VCL: variants seen among roughly 807,000 people sequenced by gnomAD.
VCL encodes the protein epididymis luminal protein 114.
Under a neutral mutation model 125.7 loss-of-function variants are expected in VCL, and 47 were observed. That is an observed-to-expected ratio of 0.37 (90% CI 0.30 to 0.48). The LOEUF (loss-of-function observed/expected upper bound fraction) is 0.48, where lower values mean the gene tolerates loss of function less well. Ranked by LOEUF, VCL falls within the 20% of genes least tolerant of loss-of-function variation. The probability of loss-of-function intolerance (pLI) is 0.99; values close to 1 mark genes in which losing one functional copy is unlikely to be tolerated. For synonymous variants in VCL, 458 were observed against 514.6 expected (o/e 0.89, Z 1.49); for missense variants, 1,069 against 1,455.5 (o/e 0.73, Z 4.32).
intron 12 of VCL, among the ~76,000 whole-genome samples, chr10:74,096,966 G>A (rs1839978512): frequency 6.6e-6 from 1 of 152,226 alleles, no homozygotes; most frequent in Admixed American, 6.5e-5. Flanking sequence ...TGATTGAGTG[G>A]AACAGTCTCT....
chr10:74,075,220 C>T (rs1839562823), intron 6 of VCL: 1 of 329,866 alleles, frequency 3.0e-6, no homozygotes. Flanking sequence ...GATGGGAGCT[C>T]TGCCTTGTAT....
intron 16 of VCL, among the ~76,000 whole-genome samples, chr10:74,105,837 G>A (rs1180577442): frequency 2.1e-5 from 3 of 144,008 alleles, no homozygotes; most frequent in Non-Finnish European, 4.6e-5. Context: ...TTACAGGTGT[G>A]AGCCACCGTG....
In VCL at chr10:74,101,984, G is replaced by T. The variant is rs577843264; in HGVS notation, c.2022+887G>T. Among the ~76,000 whole-genome samples the T allele has an allele frequency of 2.0e-5, 3 of 149,306 alleles. No homozygotes were observed. In the South Asian group the frequency reaches 6.3e-4, roughly 31 times the overall value. ...GGGTTCAAGTGGTTCTCCTGACTCT[G>T]CCTCCTGAGTAGCTGGGATTACAGG... On this transcript the variant is annotated intron_variant, in intron 14 of 21. Transcript: ENST00000211998.
chr10:74,007,325 TGC>T (rs1204293422), intron 1 of VCL, among the ~76,000 whole-genome samples: 1 of 152,164 alleles, frequency 6.6e-6, no homozygotes, highest in Non-Finnish European at 1.5e-5. Context: ...AGTCTTTCAC[TGC>T]ACCCTTTGAA....
Position 73,998,289 on chromosome 10 carries a change from G to T in VCL, c.82G>T (p.Glu28Ter). 1.2e-6 allele frequency: 2 copies of T among 1,604,762 alleles called. No individual in the cohort carries two copies. Among genetic ancestry groups the T allele is most frequent in the East Asian group, 4.5e-5 (2 of 44,202 alleles). The change falls in exon 1 of 22, where the codon GAG becomes TAG. Residue 28 changes from glutamate to a stop codon, truncating the protein, a stop_gained. Coordinates refer to ENST00000211998, the MANE Select transcript of VCL (RefSeq NM_014000.3). LOFTEE classifies it high-confidence loss of function. ...QQISHLVIMHEEGEVDGKAIP... is the reference protein window; with the variant it reads ...QQISHLVIMH ...GATCTCCCACCTGGTGATAATGCAC[G>T]AGGAGGGCGAGGTGGACGGCAAAGC...
At position 74,118,584 on chromosome 10, in the gene VCL, C is replaced by A; in HGVS notation, c.*415C>A. ...AGAATCCCAAGACCCAGGGCCCAGG[C>A]AAATCAGTTACTAAGAAGAAAATTG... On this transcript the variant is annotated 3_prime_UTR_variant, in exon 22 of 22. Transcript: ENST00000211998. 1 of 263,654 alleles carries A rather than the reference C, an allele frequency of 3.8e-6. No individual in the cohort carries two copies. Among genetic ancestry groups the A allele is most frequent in the South Asian group, 4.4e-5 (1 of 22,626 alleles). 16.3% of individuals were successfully genotyped at this position (263,654 alleles called of 1,614,324 possible). A position where few individuals can be genotyped will look rare whatever the true frequency, so the allele number is the denominator to read the frequency against.
chr10:74,053,026 C>A (rs1432463115), intron 2 of VCL, among the ~76,000 whole-genome samples: 1 of 150,652 alleles, frequency 6.6e-6, no homozygotes, highest in Non-Finnish European at 1.5e-5. Flanking sequence ...TCATGAGGGA[C>A]CTTTATCTGT....
intron 15 of VCL, among the ~76,000 whole-genome samples, chr10:74,104,254 C>T (rs1052696450): frequency 2.0e-5 from 3 of 152,128 alleles, no homozygotes; most frequent in Non-Finnish European, 4.4e-5. Context: ...GGCTGGGAGG[C>T]GGTGTTTGTG....
intron 1 of VCL, among the ~76,000 whole-genome samples, chr10:74,033,609 T>C (rs774421235): frequency 1.3e-5 from 2 of 152,242 alleles, no homozygotes; most frequent in African/African-American, 2.4e-5. Flanking sequence ...CAGCTTGTTC[T>C]TCCACCAGCT....
chr10:74,083,546 T>C (rs1564526378), intron 8 of VCL, 33 bp downstream of exon 8: 1 of 1,612,014 alleles, frequency 6.2e-7, no homozygotes, highest in Non-Finnish European at 8.5e-7. Context: ...AGAGCAGTAG[T>C]GGGTAACTCA....
At chr10:74,018,828 T>C (rs1176053619) in intron 1 of VCL, among the ~76,000 whole-genome samples, 4 of 152,216 alleles carry the variant, frequency 2.6e-5, no homozygotes, top group Non-Finnish European at 5.9e-5. Context: ...AGGAAACCGA[T>C]GCACTTAAGA....
At chr10:74,093,081 G>A (rs1489411063) in intron 10 of VCL, among the ~76,000 whole-genome samples, 3 of 152,148 alleles carry the variant, frequency 2.0e-5, no homozygotes, top group Non-Finnish European at 4.4e-5. Context: ...CACATCACCC[G>A]AGGTCAGGAG....
At chr10:74,017,327 G>A (rs1021991164) in intron 1 of VCL, among the ~76,000 whole-genome samples, 2 of 152,008 alleles carry the variant, frequency 1.3e-5, no homozygotes, top group Non-Finnish European at 2.9e-5. Context: ...GATTACAGGC[G>A]TGAGCCACCG....
At chr10:74,043,214 A>C in intron 2 of VCL, 61 bp downstream of exon 2, 1 of 1,474,444 alleles carries the variant, frequency 6.8e-7, no homozygotes, top group Non-Finnish European at 9.4e-7. Flanking sequence ...AGGAAGAAAA[A>C]GTAGCTGATT....
chr10:74,009,859 C>T lies in VCL; in HGVS notation c.168+11484C>T, dbSNP rs1002355488. On this transcript the variant is annotated intron_variant, in intron 1 of 21. Coordinates refer to ENST00000211998, the MANE Select transcript of VCL (RefSeq NM_014000.3). ...CCTGACCTCAAATGAACCACCCCCT[C>T]GGCCTCCCAAAGTGTTGGGATTACA... is the stretch of plus-strand genomic sequence containing the variant. Among the ~76,000 whole-genome samples, 3 of 152,046 alleles carry T rather than the reference C, an allele frequency of 2.0e-5. No homozygotes were observed. In the East Asian group the frequency reaches 5.8e-4, roughly 29 times the overall value.
chr10:74,074,625 A>G (rs1218629779), intron 5 of VCL, 118 bp from the exon 6 acceptor site: 11 of 1,109,200 alleles, frequency 9.9e-6, no homozygotes, highest in Admixed American at 2.4e-5. Flanking sequence ...TTTGTTTTGT[A>G]TACTCATTTT....
Position 73,998,120 on chromosome 10 carries a change from G to A in VCL, c.-88G>A, listed in dbSNP as rs1840148969. 8 of 1,553,224 alleles carry A rather than the reference G, an allele frequency of 5.2e-6. No individual in the cohort carries two copies. Among genetic ancestry groups the A allele is most frequent in the Non-Finnish European group, 7.0e-6 (8 of 1,150,258 alleles). The stretch of plus-strand genomic sequence containing the variant: ...CGAGGGAAGCCCCGACTCCGTAGTC[G>A]CTGCACAGTCTGTCTCTTCGCCGGT... On this transcript the variant is annotated 5_prime_UTR_variant, in exon 1 of 22. Coordinates refer to ENST00000211998, the MANE Select transcript of VCL (RefSeq NM_014000.3).
At chr10:74,053,679 C>T (rs990573392) in intron 2 of VCL, among the ~76,000 whole-genome samples, 11 of 152,052 alleles carry the variant, frequency 7.2e-5, no homozygotes, top group African/African-American at 1.2e-4. Context: ...GACATGATCT[C>T]GGCTCACTGC....
At chr10:74,114,133 A>G in intron 19 of VCL, 51 bp from the exon 20 acceptor site, 1 of 1,605,694 alleles carries the variant, frequency 6.2e-7, no homozygotes, top group Non-Finnish European at 8.5e-7. Context: ...TCCTTCCTTA[A>G]CATGGCCAGA....
Sources: gnomAD v4.1 joint callset for allele counts (sites outside exome capture counted in the v4.1 genomes callset) on GRCh38, gnomAD v4.1.1 for gene constraint, MANE v1.5 for transcripts, NCBI Gene and HGNC (gene_info 2026-07-23, HGNC 2026-07-21) for gene names.